GPHN: variants seen among roughly 807,000 people sequenced by gnomAD.
The protein encoded by GPHN is gephyrin.
Under a neutral mutation model 95.5 loss-of-function variants are expected in GPHN, and 17 were observed. That is an observed-to-expected ratio of 0.18 (90% CI 0.12 to 0.27). The LOEUF is 0.27. GPHN is among the 10% of genes least tolerant of loss of function. The pLI, the probability that GPHN is intolerant of heterozygous loss-of-function variation, is 1.00. For missense variants in GPHN, 660 were observed against 978.1 expected (o/e 0.67, Z 4.34); for synonymous variants, 320 against 322.5 (o/e 0.99, Z 0.08).
At chr14:67,341,349 T>C in the GPHN span, among the ~76,000 whole-genome samples, 1 of 147,090 alleles carries the variant, frequency 6.8e-6, no homozygotes, top group East Asian at 2.1e-4. Context: ...GAGGAGACCC[T>C]CCACCCGGCA....
At chr14:67,007,540 G>A (rs901751501) in intron 9 of GPHN, among the ~76,000 whole-genome samples, 4 of 152,166 alleles carry the variant, frequency 2.6e-5, no homozygotes, top group African/African-American at 9.7e-5. Flanking sequence ...AGTTCAAAGG[G>A]AAAGTCAAAA....
chr14:67,165,722 G>A (rs1368909660), intron 20 of GPHN, among the ~76,000 whole-genome samples: 4 of 152,184 alleles, frequency 2.6e-5, no homozygotes, highest in Non-Finnish European at 5.9e-5. Context: ...GAAGAGGAAA[G>A]GCCAGGCTAC....
Position 67,061,033 on chromosome 14 carries a change from G to GT in GPHN, c.1144+2255dup, listed in dbSNP as rs539716457. ...CCTCTGTTACTGTTTTAGTTTAGGT[G>GT]TTTTTTTTCTTTTTTTTATTTTTCT... On this transcript the variant is annotated intron_variant, in intron 11 of 22. Coordinates refer to ENST00000478722, the MANE Select transcript of GPHN (RefSeq NM_020806.5). Among the ~76,000 whole-genome samples the GT allele has an allele frequency of 6.3e-4, 95 of 151,580 alleles. 3 individuals are homozygous for GT. In the South Asian group the frequency reaches 0.013, roughly 21 times the overall value.
intron 2 of GPHN, among the ~76,000 whole-genome samples, chr14:66,704,066 A>T (rs1351668247): frequency 6.6e-6 from 1 of 152,166 alleles, no homozygotes; most frequent in African/African-American, 2.4e-5. Context: ...TCAAAAAAAG[A>T]CAAAGAAGGG....
the GPHN span, among the ~76,000 whole-genome samples, chr14:67,196,223 C>CCT: frequency 7.0e-6 from 1 of 143,118 alleles, no homozygotes; most frequent in African/African-American, 2.6e-5. Flanking sequence ...TTCTTTCTTT[C>CCT]TTTTTTTTTT....
At chr14:67,587,318 C>A in the GPHN span, 1 of 1,485,552 alleles carries the variant, frequency 6.7e-7, no homozygotes, top group Non-Finnish European at 9.4e-7. Flanking sequence ...ACTACTGTGA[C>A]GGGTCTAACA....
intron 10 of GPHN, among the ~76,000 whole-genome samples, chr14:67,041,373 C>G (rs990639542): frequency 6.6e-6 from 1 of 152,004 alleles, no homozygotes; most frequent in Non-Finnish European, 1.5e-5. Context: ...CCCTAACCCC[C>G]CACCCCCCAA....
chr14:67,704,355 A>C, the GPHN span, among the ~76,000 whole-genome samples: 2 of 152,208 alleles, frequency 1.3e-5, no homozygotes, highest in Non-Finnish European at 2.9e-5. Context: ...GCATTTTTAA[A>C]ATAATTTTTT....
intron 9 of GPHN, among the ~76,000 whole-genome samples, chr14:66,978,478 C>T (rs2153597147): frequency 6.6e-6 from 1 of 152,282 alleles, no homozygotes; most frequent in East Asian, 1.9e-4. Flanking sequence ...GAGTAGATTT[C>T]ATCTCAAGGA....
chr14:67,633,062 C>A, the GPHN span, among the ~76,000 whole-genome samples: 1 of 151,794 alleles, frequency 6.6e-6, no homozygotes, highest in Admixed American at 6.6e-5. Flanking sequence ...CCTCGTGATC[C>A]GCCCGCCTCG....
the GPHN span, among the ~76,000 whole-genome samples, chr14:67,265,548 C>A: frequency 6.6e-6 from 1 of 152,060 alleles, no homozygotes; most frequent in East Asian, 1.9e-4. Context: ...GAGCGAGACC[C>A]TATCTCTATT....
At chr14:66,706,265 C>G (rs1251579202) in intron 2 of GPHN, among the ~76,000 whole-genome samples, 1 of 152,094 alleles carries the variant, frequency 6.6e-6, no homozygotes, top group Non-Finnish European at 1.5e-5. Flanking sequence ...CAATGCTGTT[C>G]CCATCAAACT....
chr14:67,311,412 A>T, the GPHN span, among the ~76,000 whole-genome samples: 1 of 152,156 alleles, frequency 6.6e-6, no homozygotes, highest in South Asian at 2.1e-4. Flanking sequence ...TTGAGCCTGA[A>T]CTTGGAATTT....
At chr14:67,145,746 T>C (rs1363013749) in intron 18 of GPHN, among the ~76,000 whole-genome samples, 1 of 152,210 alleles carries the variant, frequency 6.6e-6, no homozygotes, top group Non-Finnish European at 1.5e-5. Flanking sequence ...GAGCTAAGCC[T>C]GAAAACCAGT....
chr14:67,590,078 G>A, the GPHN span: 5 of 1,549,676 alleles, frequency 3.2e-6, no homozygotes, highest in Non-Finnish European at 3.5e-6. Context: ...GAACGCTGGG[G>A]CTCATGGGCT....
the GPHN span, among the ~76,000 whole-genome samples, chr14:67,363,741 G>A: frequency 6.6e-6 from 1 of 152,166 alleles, no homozygotes; most frequent in Admixed American, 6.5e-5. Flanking sequence ...AAGTCAGTGG[G>A]AAGCCACTGA....
At chr14:67,318,014 A>C in the GPHN span, among the ~76,000 whole-genome samples, 10 of 152,328 alleles carry the variant, frequency 6.6e-5, no homozygotes, top group Admixed American at 5.2e-4. Context: ...TCTTATATCA[A>C]GCACCTGGTG....
the GPHN span, among the ~76,000 whole-genome samples, chr14:67,421,706 G>GT: frequency 6.6e-6 from 1 of 152,156 alleles, no homozygotes; most frequent in Non-Finnish European, 1.5e-5. Flanking sequence ...GGAGCCATTG[G>GT]TAAGAGCATG....
At chr14:66,938,540 G>A (rs920530701) in intron 8 of GPHN, among the ~76,000 whole-genome samples, 1 of 151,984 alleles carries the variant, frequency 6.6e-6, no homozygotes, top group Non-Finnish European at 1.5e-5. Flanking sequence ...GAAACTTTCT[G>A]CTTCTGGCCT....
Sources: allele counts gnomAD v4.1 joint callset (sites outside exome capture counted in the v4.1 genomes callset), GRCh38; gene constraint gnomAD v4.1.1; transcripts MANE v1.5; gene names NCBI Gene and HGNC (gene_info 2026-07-23, HGNC 2026-07-21).